The following DOCK10 variants were observed in gnomAD, a reference collection of about 807,000 sequenced individuals.
The protein encoded by DOCK10 is dedicator of cytokinesis protein 10.
A neutral mutation model predicts 280.1 loss-of-function variants in DOCK10; 145 were observed. That is an observed-to-expected ratio of 0.52 (90% CI 0.45 to 0.59). DOCK10 has a LOEUF of 0.59. DOCK10 is among the 20% of genes least tolerant of loss of function. DOCK10 has a pLI of 0.00. For missense variants in DOCK10, 2,368 were observed against 2,651.7 expected (o/e 0.89, Z 2.35); for synonymous variants, 915 against 942.2 (o/e 0.97, Z 0.53).
chr2:224,919,827 C>T (rs987144772), intron 2 of DOCK10, among the ~76,000 whole-genome samples: 1 of 152,070 alleles, frequency 6.6e-6, no homozygotes, highest in Non-Finnish European at 1.5e-5. Context: ...AAACTAGGAT[C>T]TAGAGACATC....
chr2:225,014,081 A>ATATATTTTTTTTTTTTTTTTT (rs776104946), intron 1 of DOCK10, among the ~76,000 whole-genome samples: 2 of 96,824 alleles, frequency 2.1e-5, no homozygotes, highest in Non-Finnish European at 1.9e-5. Context: ...GTCTGAATAT[A>ATATATTTTTTTTTTTTTTTTT]TTGTTTTTTT....
intron 1 of DOCK10, among the ~76,000 whole-genome samples, chr2:224,981,227 T>C (rs1379845396): frequency 6.6e-6 from 1 of 152,160 alleles, no homozygotes; most frequent in African/African-American, 2.4e-5. Context: ...AAGAATAATA[T>C]TGCTTTTTGA....
chr2:224,951,835 C>A (rs1703748656), intron 1 of DOCK10, among the ~76,000 whole-genome samples: 1 of 152,212 alleles, frequency 6.6e-6, no homozygotes. Context: ...TTATTCCTTA[C>A]AGTTGTAGGA....
At chr2:224,809,837 C>A (rs1166897551) in intron 31 of DOCK10, among the ~76,000 whole-genome samples, 19 of 152,038 alleles carry the variant, frequency 1.2e-4, no homozygotes, top group Admixed American at 1.2e-3. Context: ...AATCCAACTT[C>A]TGGGTATACA....
chr2:224,975,151 C>T (rs181349268), intron 1 of DOCK10, among the ~76,000 whole-genome samples: 50 of 152,068 alleles, frequency 3.3e-4, no homozygotes, highest in Admixed American at 1.8e-3. Context: ...TGATACAGGG[C>T]GTAATTGGAG....
chr2:224,837,173 G>T (rs899762141), intron 25 of DOCK10, among the ~76,000 whole-genome samples: 4 of 152,144 alleles, frequency 2.6e-5, no homozygotes, highest in Non-Finnish European at 1.5e-5. Context: ...AAGTTCACTG[G>T]CATTAATCCA....
At chr2:224,828,440 G>A (rs957486940) in intron 27 of DOCK10, among the ~76,000 whole-genome samples, 1 of 152,158 alleles carries the variant, frequency 6.6e-6, no homozygotes, top group African/African-American at 2.4e-5. Flanking sequence ...GCAGAGGATA[G>A]AGGAAAAAAT....
intron 1 of DOCK10, among the ~76,000 whole-genome samples, chr2:224,991,196 G>A (rs1212774921): frequency 6.6e-6 from 1 of 152,190 alleles, no homozygotes. Flanking sequence ...TGGAGCTGAG[G>A]CTGCATACAT....
Position 224,956,347 on chromosome 2 carries a change from G to A in DOCK10, c.124-24679C>T, listed in dbSNP as rs183855023. ...CTTTATAAAGACCATCCATTGGCGG[G>A]CACGGTGGCTCATGCCTGTAATCCC... On this transcript the variant is annotated intron_variant, in intron 1 of 55. Coordinates refer to ENST00000258390, the MANE Select transcript of DOCK10 (RefSeq NM_014689.3). Among the ~76,000 whole-genome samples the A allele has an allele frequency of 7.9e-3, 1,196 of 152,282 alleles. 13 individuals carry two copies. Among genetic ancestry groups the A allele is most frequent in the African/African-American group, 0.027 (1,135 of 41,540 alleles).
intron 31 of DOCK10, among the ~76,000 whole-genome samples, chr2:224,808,445 T>C (rs1396918560): frequency 1.3e-5 from 2 of 152,148 alleles, no homozygotes; most frequent in Admixed American, 6.5e-5. Flanking sequence ...TCTTTGAGGA[T>C]ACTTGAAGTT....
intron 7 of DOCK10, among the ~76,000 whole-genome samples, 182 bp from the exon 8 acceptor site, chr2:224,876,403 A>G (rs1407782409): frequency 6.6e-6 from 1 of 152,192 alleles, no homozygotes; most frequent in Non-Finnish European, 1.5e-5. Flanking sequence ...ATTTCTTTCA[A>G]AGCTTTTTGT....
At chr2:224,767,959 G>A (rs1690168857) in intron 55 of DOCK10, among the ~76,000 whole-genome samples, 1 of 151,166 alleles carries the variant, frequency 6.6e-6, no homozygotes, top group Admixed American at 6.6e-5. Context: ...TGTCTCCCAG[G>A]CTGGAGTGCA....
At chr2:224,969,435 TGTTATA>T (rs1360885725) in intron 1 of DOCK10, among the ~76,000 whole-genome samples, 2 of 152,162 alleles carry the variant, frequency 1.3e-5, no homozygotes, top group African/African-American at 4.8e-5. Flanking sequence ...CATTTCTTTT[TGTTATA>T]GTTGTGCAAA....
At chr2:224,912,981 G>A (rs906100525) in intron 3 of DOCK10, among the ~76,000 whole-genome samples, 1 of 152,048 alleles carries the variant, frequency 6.6e-6, no homozygotes, top group East Asian at 1.9e-4. Flanking sequence ...AGCAGAGATC[G>A]TGCCAGTGCT....
chr2:224,891,153 A>T (rs1204726656), intron 4 of DOCK10, among the ~76,000 whole-genome samples: 1 of 152,224 alleles, frequency 6.6e-6, no homozygotes, highest in Non-Finnish European at 1.5e-5. Flanking sequence ...AAAACATGAA[A>T]GACACATTCT....
intron 1 of DOCK10, among the ~76,000 whole-genome samples, chr2:225,004,138 A>G (rs1706510862): frequency 6.6e-6 from 1 of 152,238 alleles, no homozygotes; most frequent in African/African-American, 2.4e-5. Context: ...ACTGGAACTC[A>G]TGAATGTGAC....
At chr2:224,846,283 A>C (rs149434514) in intron 19 of DOCK10, among the ~76,000 whole-genome samples, 5 of 152,360 alleles carry the variant, frequency 3.3e-5, no homozygotes, top group African/African-American at 9.6e-5. Context: ...TATAGATAAG[A>C]CACACATCAA....
At chr2:224,832,841 A>C (rs1407042261) in intron 26 of DOCK10, among the ~76,000 whole-genome samples, 2 of 152,164 alleles carry the variant, frequency 1.3e-5, no homozygotes, top group African/African-American at 4.8e-5. Context: ...AGCACTAATG[A>C]AATTGAGCTT....
At chr2:224,825,902 A>C (rs1323629019) in intron 27 of DOCK10, among the ~76,000 whole-genome samples, 2 of 152,142 alleles carry the variant, frequency 1.3e-5, no homozygotes, top group African/African-American at 4.8e-5. Flanking sequence ...GGTCAAGGGG[A>C]ACAGGCCTGG....
Sources: gnomAD v4.1 joint callset for allele counts (sites outside exome capture counted in the v4.1 genomes callset) on GRCh38, gnomAD v4.1.1 for gene constraint, MANE v1.5 for transcripts, NCBI Gene and HGNC (gene_info 2026-07-23, HGNC 2026-07-21) for gene names.